MRPL37: variants seen among roughly 807,000 people sequenced by gnomAD.
MRPL37 encodes the protein large ribosomal subunit protein mL37.
MRPL37 carries 34 observed loss-of-function variants against 44.1 expected under a neutral mutation model. The ratio of observed to expected loss-of-function variants is 0.77; its 90% confidence interval spans 0.59 to 1.03. The LOEUF (loss-of-function observed/expected upper bound fraction) is 1.03. MRPL37 is among the 50% of genes least tolerant of loss of function. MRPL37 has a pLI of 0.00. For synonymous variants in MRPL37, 212 were observed against 219.5 expected, an observed-to-expected ratio of 0.97 and a Z score of 0.30; for missense variants, 532 against 543.7, an observed-to-expected ratio of 0.98 and a Z score of 0.21.
intron 3 of MRPL37, among the ~76,000 whole-genome samples, chr1:54,208,426 ATAGTCCCAGCTAC>A (rs1644139572): frequency 6.6e-6 from 1 of 151,752 alleles, no homozygotes; most frequent in Non-Finnish European, 1.5e-5. Context: ...ATGGGCACCC[ATAGTCCCAGCTAC>A]TCGGGAGGCT....
rs760815521 is a variant in MRPL37 at position 54,216,252 on chromosome 1, G to A, written c.1102G>A (p.Glu368Lys). 26 of 1,614,176 alleles carry A rather than the reference G, an allele frequency of 1.6e-5. No homozygotes were observed. Among genetic ancestry groups the A allele is most frequent in the South Asian group, 2.2e-5 (2 of 91,086 alleles). Residue 368 changes from glutamate to lysine, a missense_variant, in exon 6 of 7, where the codon GAG becomes AAG. Physicochemically the swap from Glu to Lys is moderately conservative, Grantham distance 56. Transcript: ENST00000360840. The part of the protein sequence containing the change: ...QLNTTDLDCN[E>K]GVKNLAWVDS... ...GAATACCACAGACCTGGACTGTAACGAGGGTGTCAAGAATTTGGCCTGGGT... is the reference window on the plus strand; with the variant it reads ...GAATACCACAGACCTGGACTGTAACAAGGGTGTCAAGAATTTGGCCTGGGT...
At position 54,200,333 on chromosome 1, in the gene MRPL37, G is replaced by A. The variant is rs536919595; in HGVS notation, c.90G>A (p.Ala30=). 3 of 1,613,952 alleles carry A rather than the reference G, an allele frequency of 1.9e-6. No individual in the cohort carries two copies. Among genetic ancestry groups the A allele is most frequent in the Admixed American group, 3.3e-5 (2 of 60,024 alleles). Residue 30 remains alanine (A), a synonymous_variant, in exon 1 of 7, where the codon GCG becomes GCA. Transcript: ENST00000360840. ...LGGFGAPRRG[A]YEWGVRSTRK... ...GCTTCGGGGCCCCGAGACGCGGGGC[G>A]TATGAGTGGGGCGTGCGCTCCACGC... is the stretch of plus-strand genomic sequence containing the variant.
rs1252519702 is a variant in MRPL37, at chr1:54,212,526, C to T, written c.858C>T (p.Pro286=). 10 of 1,614,086 alleles carry T rather than the reference C, an allele frequency of 6.2e-6. No homozygotes were observed. The highest frequency in any genetic ancestry group is 2.7e-5 in the African/African-American group (2 of 74,928). The change falls in exon 5 of 7, where the codon CCC becomes CCT. Residue 286 remains proline (P), a synonymous_variant. Coordinates refer to ENST00000360840, the MANE Select transcript of MRPL37 (RefSeq NM_016491.4). Reference sequence around the variant, plus strand: ...GATTCCAGGAAGGCTATCCTTACCCCTATCCCCATACCCTGTACTTACTGG... The same window carrying T: ...GATTCCAGGAAGGCTATCCTTACCCTTATCCCCATACCCTGTACTTACTGG... The part of the protein sequence containing the change: ...DTGFQEGYPY[P]YPHTLYLLDK...
downstream of MRPL37, among the ~76,000 whole-genome samples, chr1:54,222,275 G>A (rs1296165777): frequency 6.6e-6 from 1 of 152,220 alleles, no homozygotes; most frequent in East Asian, 1.9e-4. Flanking sequence ...CAGCCTGGAA[G>A]GCTTCCAGGA....
chr1:54,220,219 G>A (rs1203047832), downstream of MRPL37, among the ~76,000 whole-genome samples: 2 of 152,146 alleles, frequency 1.3e-5, no homozygotes, highest in Non-Finnish European at 2.9e-5. Flanking sequence ...GAGACTGCTT[G>A]GAGAGGAGGG....
intron 4 of MRPL37, among the ~76,000 whole-genome samples, chr1:54,210,884 C>T (rs1297582399): frequency 6.6e-6 from 1 of 152,178 alleles, no homozygotes; most frequent in Non-Finnish European, 1.5e-5. Flanking sequence ...TCCCATCTGT[C>T]TTCATGCCCA....
downstream of MRPL37, chr1:54,220,895 CTCATA>C: frequency 9.2e-6 from 4 of 436,184 alleles, no homozygotes; most frequent in South Asian, 6.7e-5. Flanking sequence ...TTCTCACTGT[CTCATA>C]TATTTAAATT....
At chr1:54,208,067 C>G (rs908860788) in intron 3 of MRPL37, among the ~76,000 whole-genome samples, 1 of 152,160 alleles carries the variant, frequency 6.6e-6, no homozygotes, top group Non-Finnish European at 1.5e-5. Context: ...TGAAGGGCAT[C>G]TATGCATGTT....
At position 54,212,722 on chromosome 1, in the gene MRPL37, C is replaced by T. The variant is rs576033614; in HGVS notation, c.990+64C>T. 5 of 1,598,076 alleles carry T rather than the reference C, an allele frequency of 3.1e-6. No individual in the cohort carries two copies. In the South Asian group the frequency reaches 4.5e-5, roughly 14 times the overall value. On this transcript the variant is annotated intron_variant, in intron 5 of 6. Transcript: ENST00000360840. Reference sequence around the variant, plus strand: ...GTGTTGGTCTCCTCCCTTAAGGTTACTGCTCAGAGGAAGAAAAGGGATATA... The same window carrying T: ...GTGTTGGTCTCCTCCCTTAAGGTTATTGCTCAGAGGAAGAAAAGGGATATA...
chr1:54,225,180 A>T (rs1313005268), downstream of MRPL37: 7 of 1,234,382 alleles, frequency 5.7e-6, no homozygotes, highest in Non-Finnish European at 7.1e-6. Flanking sequence ...AGAAATGGAA[A>T]ATGGCTTTTA....
At position 54,204,017 on chromosome 1, in the gene MRPL37, C is replaced by T. The variant is rs1644103757; in HGVS notation, c.347-1001C>T. On this transcript the variant is annotated intron_variant, in intron 1 of 6. Transcript: ENST00000360840. ...GAAGCTGAAAATATTTACTATTTGG[C>T]CCTTTGAGAAAATGTTTGTTGACCT... 2.0e-5 allele frequency among the ~76,000 whole-genome samples: 3 copies of T among 152,210 alleles called. No homozygotes were observed. In the South Asian group the frequency reaches 6.2e-4, roughly 32 times the overall value.
intron 4 of MRPL37, 130 bp from the exon 5 acceptor site, chr1:54,212,371 T>A (rs1644170956): frequency 4.4e-6 from 5 of 1,132,606 alleles, no homozygotes; most frequent in Non-Finnish European, 3.8e-6. Flanking sequence ...CGAGCTATAG[T>A]GATAGTATCC....
downstream of MRPL37, chr1:54,225,046 G>A: frequency 8.3e-7 from 1 of 1,210,114 alleles, no homozygotes; most frequent in Non-Finnish European, 1.0e-6. Flanking sequence ...AAAGCAGGGA[G>A]TGGCTGTGGC....
chr1:54,223,661 G>A (rs943188905), downstream of MRPL37, among the ~76,000 whole-genome samples: 4 of 152,196 alleles, frequency 2.6e-5, no homozygotes, highest in Admixed American at 6.5e-5. Flanking sequence ...CCCCCAGGCC[G>A]GCCGACCCCT....
At position 54,216,201 on chromosome 1, in the gene MRPL37, GTC is replaced by G; in HGVS notation, c.1053_1054del (p.Phe352ProfsTer15). ...GCAGAGCGTGGGCACGGATGGACGT[GTC>G]TTCCATTTCCTAGTGTTTCAACTGA... ...VVQSVGTDGR[V>X]FHFLVFQLNT... On this transcript the variant is annotated frameshift_variant, in exon 6 of 7. Transcript: ENST00000360840. LOFTEE classifies it high-confidence loss of function. The G allele has an allele frequency of 1.9e-6, 3 of 1,614,214 alleles. No homozygotes were observed. The highest frequency in any genetic ancestry group is 2.5e-6 in the Non-Finnish European group (3 of 1,180,046).
intron 3 of MRPL37, among the ~76,000 whole-genome samples, chr1:54,208,625 C>T (rs1314965084): frequency 6.6e-6 from 1 of 150,736 alleles, no homozygotes; most frequent in Non-Finnish European, 1.5e-5. Flanking sequence ...TCACTTCTTC[C>T]CTGCTGTATC....
intron 5 of MRPL37, among the ~76,000 whole-genome samples, chr1:54,213,245 G>A (rs2100512485): frequency 6.6e-6 from 1 of 152,374 alleles, no homozygotes; most frequent in Admixed American, 6.5e-5. Context: ...CCAAGATGGG[G>A]AAAGCCTGGC....
chr1:54,208,631 G>A (rs1397360205), intron 3 of MRPL37, among the ~76,000 whole-genome samples: 1 of 149,936 alleles, frequency 6.7e-6, no homozygotes, highest in African/African-American at 2.5e-5. Context: ...CTTCCCTGCT[G>A]TATCCTACTC....
downstream of MRPL37, among the ~76,000 whole-genome samples, chr1:54,222,172 C>CTCTT (rs1218211712): frequency 6.6e-6 from 1 of 152,322 alleles, no homozygotes; most frequent in East Asian, 1.9e-4. Flanking sequence ...ACGAAGAGGG[C>CTCTT]TCTTACATGG....
Sources: allele counts gnomAD v4.1 joint callset (sites outside exome capture counted in the v4.1 genomes callset), GRCh38; gene constraint gnomAD v4.1.1; transcripts MANE v1.5; gene names NCBI Gene and HGNC (gene_info 2026-07-23, HGNC 2026-07-21).